TRIM5: variants seen among roughly 807,000 people sequenced by gnomAD.
The protein encoded by TRIM5 is tripartite motif-containing protein 5.
A neutral mutation model predicts 35.6 loss-of-function variants in TRIM5; 31 were observed. The ratio of observed to expected loss-of-function variants is 0.87; its 90% CI spans 0.65 to 1.18. The LOEUF is 1.18. Among genes scored for constraint, TRIM5 ranks in the 50% most tolerant of loss-of-function variants. The pLI is 0.00. For missense variants in TRIM5, 609 were observed against 591.6 expected (o/e 1.03, Z -0.31); for synonymous variants, 243 against 215.6 (o/e 1.13, Z -1.11).
the TRIM5 span, among the ~76,000 whole-genome samples, chr11:5,630,244 G>A: frequency 7.2e-5 from 11 of 152,280 alleles, no homozygotes; most frequent in African/African-American, 2.6e-4. Flanking sequence ...GATGGTGATG[G>A]CGATGTGTTT....
chr11:5,660,188 G>A (rs1354143627), downstream of TRIM5, among the ~76,000 whole-genome samples: 1 of 152,158 alleles, frequency 6.6e-6, no homozygotes, highest in Non-Finnish European at 1.5e-5. Context: ...TATTGGCCTA[G>A]CTGGTCTCGA....
At chr11:5,678,078 A>C in intron 4 of TRIM5, 126 bp downstream of exon 4, 3 of 714,728 alleles carry the variant, frequency 4.2e-6, no homozygotes, top group Non-Finnish European at 6.5e-6. Context: ...TAACTTCAGC[A>C]ATTGATTCAG....
chr11:5,595,871 C>G, the TRIM5 span, among the ~76,000 whole-genome samples: 1 of 152,056 alleles, frequency 6.6e-6, no homozygotes, highest in Non-Finnish European at 1.5e-5. Flanking sequence ...TTAGTAGAGA[C>G]AGGGTTTCAT....
At chr11:5,677,239 A>G in intron 4 of TRIM5, among the ~76,000 whole-genome samples, 1 of 151,996 alleles carries the variant, frequency 6.6e-6, no homozygotes, top group Non-Finnish European at 1.5e-5. Flanking sequence ...TCTACAATGA[A>G]CTCAAACAAA....
the TRIM5 span, chr11:5,605,616 C>T: frequency 1.3e-6 from 2 of 1,551,328 alleles, no homozygotes. Context: ...AAAAGAGAAA[C>T]TAACTTTCCT....
the TRIM5 span, chr11:5,603,498 C>T: frequency 1.2e-6 from 2 of 1,614,106 alleles, no homozygotes; most frequent in South Asian, 1.1e-5. Context: ...GCCAGACCAG[C>T]TACCAGCCAG....
chr11:5,646,819 T>A, the TRIM5 span, among the ~76,000 whole-genome samples: 1 of 152,198 alleles, frequency 6.6e-6, no homozygotes, highest in Non-Finnish European at 1.5e-5. Context: ...ACTCTCTGTA[T>A]GACCATGGGA....
At chr11:5,624,592 A>C in the TRIM5 span, among the ~76,000 whole-genome samples, 1 of 152,206 alleles carries the variant, frequency 6.6e-6, no homozygotes, top group Admixed American at 6.5e-5. Context: ...GGGAAGGTTA[A>C]AACAGGGCTT....
At chr11:5,596,838 A>G in the TRIM5 span, 9 of 1,613,476 alleles carry the variant, frequency 5.6e-6, no homozygotes, top group East Asian at 1.3e-4. Flanking sequence ...GATTGCTCTG[A>G]AGAGCTTTGA....
At chr11:5,667,788 C>T (rs545200996) in intron 4 of TRIM5, 77 bp from the exon 5 acceptor site, 54 of 1,526,934 alleles carry the variant, frequency 3.5e-5, no homozygotes, top group Middle Eastern at 3.4e-4. Flanking sequence ...ACATTTCCCC[C>T]GGTTCCTAAT....
Position 5,665,368 on chromosome 11 carries a change from ATGT to A in TRIM5, c.920_922del (p.Asn307del). 1 of 1,612,310 alleles carries A rather than the reference ATGT, an allele frequency of 6.2e-7. No homozygotes were observed. Among genetic ancestry groups the A allele is most frequent in the Non-Finnish European group, 8.5e-7 (1 of 1,179,108 alleles). ...ATCTTCAGAAATGACAGCACATGAA[ATGT>A]TGTTTGGAGCCACTGTCACATCAAC... On this transcript the variant is annotated inframe_deletion, in exon 8 of 8. Transcript: ENST00000380034.
At chr11:5,607,056 T>A in the TRIM5 span, among the ~76,000 whole-genome samples, 1 of 151,926 alleles carries the variant, frequency 6.6e-6, no homozygotes, top group East Asian at 1.9e-4. Context: ...ACAAAAAAAT[T>A]AGCCGGGCGT....
chr11:5,647,666 G>T, the TRIM5 span, among the ~76,000 whole-genome samples: 1 of 152,106 alleles, frequency 6.6e-6, no homozygotes, highest in Non-Finnish European at 1.5e-5. Context: ...AGGACTACAG[G>T]CACACGCCAC....
chr11:5,604,753 C>A, the TRIM5 span: 2 of 997,916 alleles, frequency 2.0e-6, no homozygotes, highest in Non-Finnish European at 2.8e-6. Flanking sequence ...CTTCCCTTTG[C>A]CTGGTCCTCC....
At chr11:5,603,237 T>C in the TRIM5 span, 145 of 1,608,914 alleles carry the variant, frequency 9.0e-5, 2 homozygotes, top group South Asian at 1.6e-3. Flanking sequence ...TGTTTGTTCA[T>C]CTACCTAGGA....
chr11:5,599,692 C>T, the TRIM5 span, among the ~76,000 whole-genome samples: 28 of 144,348 alleles, frequency 1.9e-4, no homozygotes, highest in Non-Finnish European at 3.4e-4. Flanking sequence ...CTTGGGCCAC[C>T]GCGCCCGGCC....
At chr11:5,611,297 T>G in the TRIM5 span, 11 of 1,614,058 alleles carry the variant, frequency 6.8e-6, no homozygotes, top group South Asian at 1.2e-4. Context: ...ATTTTAATCC[T>G]TGCAACTGTG....
the TRIM5 span, among the ~76,000 whole-genome samples, chr11:5,625,549 G>A: frequency 6.6e-6 from 1 of 152,160 alleles, no homozygotes; most frequent in Non-Finnish European, 1.5e-5. Context: ...TGGGAGCACG[G>A]CCAGGGGTTG....
intron 1 of TRIM5, among the ~76,000 whole-genome samples, chr11:5,683,038 G>A (rs971383479): frequency 1.3e-5 from 2 of 152,338 alleles, no homozygotes; most frequent in East Asian, 3.9e-4. Context: ...CCCCGCACTC[G>A]GAGTGGCCGG....
Sources: allele counts gnomAD v4.1 joint callset (sites outside exome capture counted in the v4.1 genomes callset), GRCh38; gene constraint gnomAD v4.1.1; transcripts MANE v1.5; gene names NCBI Gene and HGNC (gene_info 2026-07-23, HGNC 2026-07-21).